Variants in GRM7 observed in about 807,000 individuals in gnomAD.
GRM7 encodes the protein glutamate metabotropic receptor 7, also known as metabotropic glutamate receptor 7.
A neutral mutation model predicts 84.5 loss-of-function variants in GRM7; 35 were observed. The observed-to-expected ratio is 0.41, with a 90% CI of 0.32 to 0.55. The LOEUF (loss-of-function observed/expected upper bound fraction) is 0.55, where lower values mean the gene tolerates loss of function less well. Among genes scored for constraint, GRM7 ranks in the 20% least tolerant of loss-of-function variants. GRM7 has a pLI of 0.19. For synonymous variants in GRM7, 487 were observed against 455.1 expected, an observed-to-expected ratio of 1.07 and a Z score of -0.89; for missense variants, 1,003 against 1,194.6, an observed-to-expected ratio of 0.84 and a Z score of 2.36.
chr3:7,717,031 C>A (rs1271788626), intron 9 of GRM7, among the ~76,000 whole-genome samples: 1 of 152,100 alleles, frequency 6.6e-6, no homozygotes, highest in East Asian at 1.9e-4. Context: ...ACTTTTCTGA[C>A]CACTGGTGCT....
chr3:7,684,274 C>A (rs1385180092), intron 9 of GRM7, among the ~76,000 whole-genome samples: 2 of 152,076 alleles, frequency 1.3e-5, no homozygotes, highest in Non-Finnish European at 1.5e-5. Context: ...TAAAAACAAA[C>A]AAAAACGTAG....
Position 7,073,626 on chromosome 3 carries a change from G to A in GRM7, c.520-72826G>A, listed in dbSNP as rs1436439878. On this transcript the variant is annotated intron_variant, in intron 1 of 9. Transcript: ENST00000357716. ...AGAAACACTGCATCTGTTGAACATA[G>A]AAACACCTGTTGCTGTCGATGAGTA... is the stretch of plus-strand genomic sequence containing the variant. Among the ~76,000 whole-genome samples, 3 of 152,278 alleles carry A rather than the reference G, an allele frequency of 2.0e-5. No homozygotes were observed. The East Asian group carries it at 5.8e-4, about 29-fold the overall frequency.
chr3:7,319,209 G>T (rs536444140), intron 4 of GRM7, among the ~76,000 whole-genome samples: 21 of 152,126 alleles, frequency 1.4e-4, no homozygotes, highest in Admixed American at 3.3e-4. Flanking sequence ...AGCTTAGGGG[G>T]TTGTGTGTAC....
At chr3:7,415,445 G>T (rs1239991208) in intron 5 of GRM7, among the ~76,000 whole-genome samples, 1 of 152,038 alleles carries the variant, frequency 6.6e-6, no homozygotes, top group Non-Finnish European at 1.5e-5. Context: ...TTCAGTTCCA[G>T]CCAGGAGTAT....
At chr3:6,875,756 G>C (rs1308923453) in intron 1 of GRM7, among the ~76,000 whole-genome samples, 1 of 152,166 alleles carries the variant, frequency 6.6e-6, no homozygotes. Context: ...CAGGGGTGAA[G>C]TAGGGTGGGG....
chr3:7,357,684 C>T (rs1018781200), intron 4 of GRM7, among the ~76,000 whole-genome samples: 1 of 152,130 alleles, frequency 6.6e-6, no homozygotes, highest in Non-Finnish European at 1.5e-5. Context: ...GGGCATGCCC[C>T]TTGCAGCTCA....
chr3:7,197,902 C>T (rs1695932398), intron 2 of GRM7, among the ~76,000 whole-genome samples: 1 of 151,636 alleles, frequency 6.6e-6, no homozygotes, highest in East Asian at 1.9e-4. Context: ...ATTCCAGGGC[C>T]CCAGTAAAGT....
chr3:7,736,362 G>A (rs1490601251), intron 9 of GRM7, among the ~76,000 whole-genome samples: 1 of 152,146 alleles, frequency 6.6e-6, no homozygotes. Context: ...ATCTACTGCA[G>A]CATTGCTTAT....
At chr3:7,012,429 A>G (rs910566825) in intron 1 of GRM7, among the ~76,000 whole-genome samples, 1 of 152,204 alleles carries the variant, frequency 6.6e-6, no homozygotes, top group South Asian at 2.1e-4. Context: ...ATGAAACCTC[A>G]TATACCTATG....
chr3:6,942,706 G>C (rs1046140599), intron 1 of GRM7, among the ~76,000 whole-genome samples: 5 of 152,094 alleles, frequency 3.3e-5, no homozygotes, highest in Non-Finnish European at 7.4e-5. Context: ...TTGTGTACAA[G>C]CTTTTGTGTG....
At chr3:7,472,984 A>G (rs939529706) in intron 7 of GRM7, among the ~76,000 whole-genome samples, 6 of 152,236 alleles carry the variant, frequency 3.9e-5, no homozygotes, top group African/African-American at 7.2e-5. Context: ...TAAGGTGACC[A>G]CATGAGTTAG....
At chr3:7,596,955 T>C (rs1189138874) in intron 8 of GRM7, among the ~76,000 whole-genome samples, 1 of 152,008 alleles carries the variant, frequency 6.6e-6, no homozygotes, top group Non-Finnish European at 1.5e-5. Flanking sequence ...TTCAGAAGAG[T>C]GAGGAGATCA....
intron 8 of GRM7, among the ~76,000 whole-genome samples, chr3:7,594,639 A>G (rs961959897): frequency 2.0e-5 from 3 of 152,238 alleles, no homozygotes; most frequent in Admixed American, 6.5e-5. Flanking sequence ...AGGCCTCCGC[A>G]GTATTCATTC....
intron 7 of GRM7, among the ~76,000 whole-genome samples, chr3:7,500,581 C>T (rs1375923): frequency 0.51 from 78,016 of 152,104 alleles, 20,451 homozygotes; most frequent in East Asian, 0.7. Context: ...TGATATTGGA[C>T]GATACTGATT....
At chr3:7,146,738 C>G in intron 2 of GRM7, 70 bp downstream of exon 2, 1 of 1,069,206 alleles carries the variant, frequency 9.4e-7, no homozygotes, top group Non-Finnish European at 1.4e-6. Flanking sequence ...TCTCTTCAAA[C>G]TTCATTAAAT....
intron 2 of GRM7, among the ~76,000 whole-genome samples, chr3:7,269,322 CAG>C (rs1698766999): frequency 6.6e-6 from 1 of 152,204 alleles, no homozygotes; most frequent in Non-Finnish European, 1.5e-5. Context: ...GAACCATCAT[CAG>C]AGAAATTCCA....
chr3:7,413,629 A>G (rs1436095662), intron 4 of GRM7, among the ~76,000 whole-genome samples: 3 of 152,154 alleles, frequency 2.0e-5, no homozygotes, highest in Non-Finnish European at 4.4e-5. Flanking sequence ...TGACTTATCC[A>G]TTCCAATACC....
chr3:7,274,041 C>T (rs1698963205), intron 2 of GRM7, among the ~76,000 whole-genome samples: 1 of 151,238 alleles, frequency 6.6e-6, no homozygotes, highest in African/African-American at 2.4e-5. Flanking sequence ...TTGCCTTTTA[C>T]TTGGTTTTGG....
chr3:7,404,955 T>C (rs1695611812), intron 4 of GRM7, among the ~76,000 whole-genome samples: 1 of 152,180 alleles, frequency 6.6e-6, no homozygotes, highest in African/African-American at 2.4e-5. Flanking sequence ...ACATATTATA[T>C]CAAGCTAAAG....
Sources: gnomAD v4.1 joint callset for allele counts (sites outside exome capture counted in the v4.1 genomes callset) on GRCh38, gnomAD v4.1.1 for gene constraint, MANE v1.5 for transcripts, NCBI Gene and HGNC (gene_info 2026-07-23, HGNC 2026-07-21) for gene names.